CCDC82: variants seen among roughly 807,000 people sequenced by gnomAD.
CCDC82 encodes the protein coiled-coil domain-containing protein 82.
In CCDC82, 47 loss-of-function variants were observed where a neutral mutation model predicts 60.6. The observed-to-expected ratio is 0.77, with a 90% confidence interval of 0.61 to 0.99. The LOEUF is 0.99. CCDC82 is among the 50% of genes least tolerant of loss of function. The probability of loss-of-function intolerance (pLI) is 0.00; values close to 1 mark genes in which losing one functional copy is unlikely to be tolerated. For missense variants in CCDC82, 588 were observed against 633.0 expected (o/e 0.93, Z 0.76); for synonymous variants, 212 against 207.4 (o/e 1.02, Z -0.19).
In CCDC82 at chr11:96,387,621, T is replaced by C. The variant is rs1866270931; in HGVS notation, c.-138-8A>G. 6.6e-6 allele frequency: 1 copy of C among 152,344 alleles called. No individual in the cohort carries two copies. Among genetic ancestry groups the C allele is most frequent in the South Asian group, 2.1e-4 (1 of 4,832 alleles). 9.4% of individuals were successfully genotyped at this position (152,344 alleles called of 1,614,324 possible). On this transcript the variant is annotated splice_polypyrimidine_tract_variant and splice_region_variant and intron_variant, in intron 1 of 9. Transcript: ENST00000646818. Reference sequence around the variant, plus strand: ...AGTGCCACACAATGACGGCTGCCAATATCACATTTGTACAAGATAGTAAAA... The same window carrying C: ...AGTGCCACACAATGACGGCTGCCAACATCACATTTGTACAAGATAGTAAAA...
intron 7 of CCDC82, among the ~76,000 whole-genome samples, chr11:96,369,529 TG>T (rs1215663855): frequency 5.9e-5 from 9 of 152,184 alleles, no homozygotes; most frequent in Non-Finnish European, 1.3e-4. Flanking sequence ...GGAAGAGAGA[TG>T]GGAAAACAGC....
At chr11:96,355,674 A>T (rs538039508) in intron 9 of CCDC82, 1 of 152,312 alleles carries the variant, frequency 6.6e-6, no homozygotes, top group African/African-American at 2.4e-5. Flanking sequence ...TCTGAGATTT[A>T]AATGGTGTGG....
At chr11:96,361,379 T>C (rs909428338) in intron 8 of CCDC82, among the ~76,000 whole-genome samples, 1 of 152,242 alleles carries the variant, frequency 6.6e-6, no homozygotes, top group African/African-American at 2.4e-5. Context: ...AAGTATCCTT[T>C]GAAAATATTT....
chr11:96,379,464 T>C (rs1591209019), intron 5 of CCDC82, among the ~76,000 whole-genome samples: 1 of 151,508 alleles, frequency 6.6e-6, no homozygotes, highest in Non-Finnish European at 1.5e-5. Context: ...CTATAGGAAC[T>C]TAACAATGAG....
In CCDC82 at chr11:96,384,459, T is replaced by C; in HGVS notation, c.289A>G (p.Ser97Gly). The change falls in exon 4 of 10, where the codon AGT becomes GGT. Residue 97 changes from serine (S) to glycine (G), a missense_variant. By Grantham distance (56) the Ser-to-Gly change is moderately conservative. Transcript: ENST00000646818. ...TTGCCAGAGTTAATGAGACACTTACTGTCATTTCCTTCACTTTGAATTTTA... is the reference window on the plus strand; with the variant it reads ...TTGCCAGAGTTAATGAGACACTTACCGTCATTTCCTTCACTTTGAATTTTA... ...LSKIQSEGND[S>G]KCLINSGNGS... 2 of 1,613,838 alleles carry C rather than the reference T, an allele frequency of 1.2e-6. No homozygotes were observed. Among genetic ancestry groups the C allele is most frequent in the Non-Finnish European group, 1.7e-6 (2 of 1,179,814 alleles).
intron 1 of CCDC82, chr11:96,388,052 A>C (rs1023344663): frequency 6.6e-6 from 1 of 152,260 alleles, no homozygotes; most frequent in South Asian, 2.1e-4. Flanking sequence ...AGGGTCTCTC[A>C]TATTTCAAAA....
At chr11:96,372,738 A>AC (rs1865352044) in intron 6 of CCDC82, among the ~76,000 whole-genome samples, 1 of 146,124 alleles carries the variant, frequency 6.8e-6, no homozygotes, top group African/African-American at 2.5e-5. Context: ...ATAAATATAT[A>AC]AATATACGTA....
chr11:96,388,391 A>T (rs531074363), intron 1 of CCDC82: 1 of 152,362 alleles, frequency 6.6e-6, no homozygotes, highest in Admixed American at 6.5e-5. Flanking sequence ...ACCTTTAAGC[A>T]AAGAGAAAAA....
rs1217940353 is a variant in CCDC82, at chr11:96,384,548, A to G, written c.200T>C (p.Leu67Pro). 12 of 1,613,516 alleles carry G rather than the reference A, an allele frequency of 7.4e-6. No homozygotes were observed. Among genetic ancestry groups the G allele is most frequent in the Non-Finnish European group, 9.3e-6 (11 of 1,179,766 alleles). Residue 67 changes from leucine (L) to proline (P), a missense_variant, in exon 4 of 10, where the codon CTT becomes CCT. By Grantham distance (98) the Leu-to-Pro change is moderately conservative. Coordinates refer to ENST00000646818, the MANE Select transcript of CCDC82 (RefSeq NM_024725.4). ...SDESFENDEELDSNKGPDCNK... is the reference protein window; with the variant it reads ...SDESFENDEEPDSNKGPDCNK... ...ACAATCAGGTCCCTTGTTACTATCA[A>G]GCTCTTCATCATTTTCAAAACTTTC...
intron 5 of CCDC82, among the ~76,000 whole-genome samples, chr11:96,378,469 A>G (rs1457440332): frequency 6.6e-6 from 1 of 152,046 alleles, no homozygotes; most frequent in African/African-American, 2.4e-5. Flanking sequence ...TTTAATATTT[A>G]ACATAAATGG....
In CCDC82 at chr11:96,352,876, G is replaced by A. The variant is rs1864155036; in HGVS notation, c.*770C>T. ...TTTCCAAGTGTTTTTGGCTGAGTTTGTCTCTTTCAGCAGTTCTGACCCTAA... is the reference window on the plus strand; with the variant it reads ...TTTCCAAGTGTTTTTGGCTGAGTTTATCTCTTTCAGCAGTTCTGACCCTAA... On this transcript the variant is annotated 3_prime_UTR_variant, in exon 10 of 10. Transcript: ENST00000646818. 1 of 152,152 alleles carries A rather than the reference G, an allele frequency of 6.6e-6. No homozygotes were observed. Among genetic ancestry groups the A allele is most frequent in the Non-Finnish European group, 1.5e-5 (1 of 68,014 alleles). 9.4% of individuals were successfully genotyped at this position (152,152 alleles called of 1,614,324 possible).
intron 8 of CCDC82, among the ~76,000 whole-genome samples, chr11:96,360,861 G>T (rs1170318181): frequency 6.6e-6 from 1 of 152,184 alleles, no homozygotes; most frequent in Non-Finnish European, 1.5e-5. Flanking sequence ...GTTTTCTTGT[G>T]AAAACTGTAT....
chr11:96,357,557 A>G, intron 9 of CCDC82: 1 of 985,356 alleles, frequency 1.0e-6, no homozygotes. Context: ...TTTCTAGGAT[A>G]CATGATTTGG....
Position 96,383,943 on chromosome 11 carries a change from C to A in CCDC82, c.786+19G>T. On this transcript the variant is annotated intron_variant, in intron 4 of 9. Transcript: ENST00000646818. ...AAAAAACTGAAAAACAATAACAAAT[C>A]CAACAAAATATAACACACCTCAAAA... The A allele has an allele frequency of 5.1e-6, 8 of 1,556,480 alleles. No individual in the cohort carries two copies. The highest frequency in any genetic ancestry group is 1.2e-5 in the South Asian group (1 of 80,870).
intron 3 of CCDC82, chr11:96,386,024 A>G (rs1866170604): frequency 6.6e-6 from 1 of 152,150 alleles, no homozygotes; most frequent in South Asian, 2.1e-4. Flanking sequence ...AAAAAATCTA[A>G]AAATATGAAA....
rs1866048999 is a variant in CCDC82, at chr11:96,384,200, T to G, written c.548A>C (p.Lys183Thr). The G allele has an allele frequency of 6.2e-7, 1 of 1,613,898 alleles. No individual in the cohort carries two copies. Among genetic ancestry groups the G allele is most frequent in the Non-Finnish European group, 8.5e-7 (1 of 1,179,886 alleles). The change falls in exon 4 of 10, where the codon AAA becomes ACA. Residue 183 changes from lysine to threonine, a missense_variant. Physicochemically the swap from Lys to Thr is moderately conservative, Grantham distance 78 (BLOSUM62 -1). Transcript: ENST00000646818. ...EEEDIKRGKR[K>T]RLSSVMCDSD... ...GTCACACATCACAGAGGATAGCCTT[T>G]TTCTTTTTCCTCGCTTGATGTCTTC...
chr11:96,366,673 G>A (rs549435576), intron 7 of CCDC82, among the ~76,000 whole-genome samples: 1 of 152,168 alleles, frequency 6.6e-6, no homozygotes, highest in Non-Finnish European at 1.5e-5. Flanking sequence ...GGAGGATCTC[G>A]AGCCCAGAAG....
chr11:96,360,798 C>T (rs1345299843), intron 8 of CCDC82, among the ~76,000 whole-genome samples: 3 of 152,234 alleles, frequency 2.0e-5, no homozygotes, highest in South Asian at 2.1e-4. Context: ...AGTATGTTTC[C>T]AAAAATGAAT....
intron 5 of CCDC82, 127 bp downstream of exon 5, chr11:96,383,141 AG>A: frequency 1.5e-6 from 1 of 657,382 alleles, no homozygotes; most frequent in Non-Finnish European, 2.7e-6. Context: ...TAAACTGACA[AG>A]GTTATCTGAA....
Sources: allele counts gnomAD v4.1 joint callset (sites outside exome capture counted in the v4.1 genomes callset), GRCh38; gene constraint gnomAD v4.1.1; transcripts MANE v1.5; gene names NCBI Gene and HGNC (gene_info 2026-07-23, HGNC 2026-07-21).